FUT8: variants seen among roughly 807,000 people sequenced by gnomAD.
FUT8 encodes fucosyltransferase 8.
Under a neutral mutation model 71.3 loss-of-function variants are expected in FUT8, and 29 were observed. That is an observed-to-expected ratio of 0.41 (90% confidence interval 0.30 to 0.55). FUT8 has a LOEUF of 0.55. Among genes scored for constraint, FUT8 ranks in the 20% least tolerant of loss-of-function variants. FUT8 has a pLI of 0.34. For missense variants in FUT8, 544 were observed against 702.1 expected, an observed-to-expected ratio of 0.77 and a Z score of 2.55; for synonymous variants, 254 against 239.3, an observed-to-expected ratio of 1.06 and a Z score of -0.57.
In FUT8 at chr14:65,692,347, C is replaced by T. The variant is rs1248797176; in HGVS notation, c.835+22867C>T. 9.8e-5 allele frequency among the ~76,000 whole-genome samples: 14 copies of T among 142,632 alleles called. No individual in the cohort carries two copies. The East Asian group carries it at 1.3e-3, about 14-fold the overall frequency. The allele number at this position is 142,632 out of a possible 152,430, so 93.6% of individuals were successfully genotyped here. On this transcript the variant is annotated intron_variant, in intron 7 of 10. Coordinates refer to ENST00000673929, the MANE Select transcript of FUT8 (RefSeq NM_001371533.1). ...TCACCTCCCAGACGGGGCGGCTGGC[C>T]GGGCGGGGGGCTGACCCCCCCACCT...
intron 6 of FUT8, among the ~76,000 whole-genome samples, chr14:65,650,150 T>C (rs1891301189): frequency 6.6e-6 from 1 of 151,258 alleles, no homozygotes; most frequent in Non-Finnish European, 1.5e-5. Context: ...CAAAAAAAAA[T>C]TAGCCGGGCG....
At chr14:65,676,381 G>T (rs1345943001) in intron 7 of FUT8, among the ~76,000 whole-genome samples, 1 of 152,164 alleles carries the variant, frequency 6.6e-6, no homozygotes, top group Non-Finnish European at 1.5e-5. Context: ...TTAATTTCCT[G>T]TGGGGTGTCT....
chr14:65,415,893 T>A (rs1482409623), intron 1 of FUT8, among the ~76,000 whole-genome samples: 1 of 152,244 alleles, frequency 6.6e-6, no homozygotes, highest in African/African-American at 2.4e-5. Flanking sequence ...TAAGCTGTAA[T>A]AAATTAGTAT....
chr14:65,412,508 C>G (rs958210079), upstream of FUT8: 4 of 359,152 alleles, frequency 1.1e-5, no homozygotes, highest in African/African-American at 6.4e-5. Context: ...GTGTGCGAGC[C>G]GGAGCCGGCG....
chr14:65,407,400 C>A (rs2065092114), upstream of FUT8, among the ~76,000 whole-genome samples: 1 of 152,156 alleles, frequency 6.6e-6, no homozygotes, highest in Non-Finnish European at 1.5e-5. Flanking sequence ...CTTGTTAATA[C>A]AGATAATACT....
Position 65,669,122 on chromosome 14 carries a change from A to G in FUT8, c.598-121A>G. The G allele has an allele frequency of 1.4e-6, 1 of 706,738 alleles. No individual in the cohort carries two copies. The highest frequency in any genetic ancestry group is 2.3e-6 in the Non-Finnish European group (1 of 429,248). 43.8% of individuals were successfully genotyped at this position (706,738 alleles called of 1,614,324 possible). A position where few individuals can be genotyped will look rare whatever the true frequency, so the allele number is the denominator to read the frequency against. The stretch of plus-strand genomic sequence containing the variant: ...GTGTATACCAAACCCCACGACACAC[A>G]ATTTATCTATAGAACAAACCTGCAT... On this transcript the variant is annotated intron_variant, in intron 6 of 10. Transcript: ENST00000673929. The surrounding 1 kb of genome is among the most constrained non-coding windows in gnomAD (Gnocchi z 4.5).
At chr14:65,449,621 A>AG (rs1485989036) in intron 1 of FUT8, among the ~76,000 whole-genome samples, 2 of 152,202 alleles carry the variant, frequency 1.3e-5, no homozygotes, top group Non-Finnish European at 2.9e-5. Context: ...GAAGACATTG[A>AG]GGTCCTGCCT....
At chr14:65,685,823 GTATTATAATT>G (rs1893260790) in intron 7 of FUT8, among the ~76,000 whole-genome samples, 2 of 152,168 alleles carry the variant, frequency 1.3e-5, no homozygotes, top group Non-Finnish European at 2.9e-5. Context: ...GCATGCTAAT[GTATTATAATT>G]AGCATATAAT....
chr14:65,542,526 GT>G (rs1240524234), intron 2 of FUT8, among the ~76,000 whole-genome samples: 2 of 152,152 alleles, frequency 1.3e-5, no homozygotes, highest in Admixed American at 6.5e-5. Context: ...TGGCCTATGT[GT>G]TAGTGAATTG....
In FUT8 at chr14:65,483,037, T is replaced by A. The variant is rs1167613428; in HGVS notation, c.-228+27319T>A. 6.6e-6 allele frequency among the ~76,000 whole-genome samples: 1 copy of A among 152,200 alleles called. No individual in the cohort carries two copies. The highest frequency in any genetic ancestry group is 1.9e-4 in the East Asian group (1 of 5,204). On this transcript the variant is annotated intron_variant, in intron 2 of 10. Transcript: ENST00000673929. The surrounding 1 kb of genome is among the most constrained non-coding windows in gnomAD (Gnocchi z 4.4). ...CAACCAGTGACCCGAGGCCAGCAAC[T>A]TCTTTTACTTCCCCCTCAGTTGGAT... is the stretch of plus-strand genomic sequence containing the variant.
chr14:65,739,135 A>T (rs1436572469), intron 10 of FUT8, among the ~76,000 whole-genome samples: 3 of 152,052 alleles, frequency 2.0e-5, no homozygotes, highest in Non-Finnish European at 4.4e-5. Context: ...CAGGTTTGTC[A>T]TAATAGTTAA....
chr14:65,383,132 C>G, the FUT8 span, among the ~76,000 whole-genome samples: 1 of 152,132 alleles, frequency 6.6e-6, no homozygotes, highest in African/African-American at 2.4e-5. Flanking sequence ...TCACTTCTTA[C>G]CTGGCCTCCC....
intron 7 of FUT8, among the ~76,000 whole-genome samples, chr14:65,673,464 T>A (rs1892568937): frequency 6.6e-6 from 1 of 152,212 alleles, no homozygotes; most frequent in South Asian, 2.1e-4. Flanking sequence ...TGGTTAAGAC[T>A]ACCCTGAAGC....
intron 2 of FUT8, among the ~76,000 whole-genome samples, chr14:65,507,325 A>G (rs574949428): frequency 1.3e-5 from 2 of 152,178 alleles, no homozygotes; most frequent in Admixed American, 6.5e-5. Context: ...ACTATCTTCA[A>G]TATTTTTCCC....
chr14:65,533,038 G>A (rs755439417), intron 2 of FUT8, among the ~76,000 whole-genome samples: 51 of 152,220 alleles, frequency 3.4e-4, no homozygotes, highest in Admixed American at 1.6e-3. Flanking sequence ...CCAGTACCAT[G>A]CTGTTTTGGT....
chr14:65,605,208 C>T (rs28427101), intron 3 of FUT8, among the ~76,000 whole-genome samples: 10,964 of 151,878 alleles, frequency 0.072, 838 homozygotes, highest in African/African-American at 0.18. Flanking sequence ...CATTCTCAGT[C>T]TTATTATATG....
At chr14:65,517,429 C>G (rs974959904) in intron 2 of FUT8, among the ~76,000 whole-genome samples, 7 of 152,086 alleles carry the variant, frequency 4.6e-5, no homozygotes, top group African/African-American at 2.4e-5. Context: ...GACACAGAAC[C>G]TGGTAGCATA....
At chr14:65,727,972 TA>T (rs1895769296) in intron 9 of FUT8, among the ~76,000 whole-genome samples, 1 of 152,204 alleles carries the variant, frequency 6.6e-6, no homozygotes, top group Non-Finnish European at 1.5e-5. Context: ...GTCTCTTTGC[TA>T]AAACATAACA....
Position 65,616,100 on chromosome 14 carries a change from GATTAT to G in FUT8, c.319+9_319+13del. On this transcript the variant is annotated splice_region_variant and intron_variant, in intron 4 of 10. Coordinates refer to ENST00000673929, the MANE Select transcript of FUT8 (RefSeq NM_001371533.1). ...AAGAAACAGACCAGAAATGGTAGGT[GATTAT>G]ACAGTGTTTTCCCCTCCTCAGTATA... 4.3e-6 allele frequency: 7 copies of G among 1,611,318 alleles called. No individual in the cohort carries two copies. The highest frequency in any genetic ancestry group is 5.9e-6 in the Non-Finnish European group (7 of 1,177,846).
Sources: allele counts gnomAD v4.1 joint callset (sites outside exome capture counted in the v4.1 genomes callset), GRCh38; gene constraint gnomAD v4.1.1; non-coding constraint Gnocchi (gnomAD v3.1); transcripts MANE v1.5; gene names NCBI Gene and HGNC (gene_info 2026-07-23, HGNC 2026-07-21).